PCDH11X: variants seen among roughly 807,000 people sequenced by gnomAD.
PCDH11X encodes the protein protocadherin-11 X-linked.
A neutral mutation model predicts 53.3 loss-of-function variants in PCDH11X; 18 were observed. That is an observed-to-expected ratio of 0.34 (90% confidence interval 0.23 to 0.50). PCDH11X has a LOEUF of 0.50. Ranked by LOEUF, PCDH11X falls within the 20% of genes least tolerant of loss-of-function variation. The pLI, the probability that PCDH11X is intolerant of heterozygous loss-of-function variation, is 0.98. For synonymous variants in PCDH11X, 279 were observed against 393.3 expected (o/e 0.71, Z 3.44); for missense variants, 570 against 1,032.4 (o/e 0.55, Z 6.14).
intron 8 of PCDH11X, among the ~76,000 whole-genome samples, chrX:92,273,947 C>G (rs187028423): frequency 0.015 from 1,600 of 109,314 alleles, 26 homozygotes; most frequent in African/African-American, 0.051. Flanking sequence ...GGGGATAGCA[C>G]CAGGAGATAT....
At chrX:92,007,298 A>G (rs2062615432) in intron 6 of PCDH11X, among the ~76,000 whole-genome samples, 1 of 111,258 alleles carries the variant, frequency 9.0e-6, no homozygotes, top group Admixed American at 9.5e-5. Flanking sequence ...TAATGTATTC[A>G]TCTGAGCTGA....
intron 5 of PCDH11X, among the ~76,000 whole-genome samples, chrX:91,856,682 A>G (rs912439311): frequency 4.5e-5 from 5 of 109,979 alleles, no homozygotes; most frequent in Admixed American, 9.7e-5. Context: ...GATCCCACTT[A>G]TAAGTTAGAA....
intron 4 of PCDH11X, among the ~76,000 whole-genome samples, chrX:91,821,515 A>T (rs1390839831): frequency 2.7e-5 from 3 of 110,689 alleles, no homozygotes; most frequent in Non-Finnish European, 5.7e-5. Context: ...ATTTTTGTAC[A>T]TTGATTTTGT....
intron 10 of PCDH11X, among the ~76,000 whole-genome samples, chrX:92,509,834 A>T (rs2148705597): frequency 8.9e-6 from 1 of 111,800 alleles, no homozygotes; most frequent in African/African-American, 3.2e-5. Context: ...GCAACTTATA[A>T]AATTATCGGT....
intron 6 of PCDH11X, among the ~76,000 whole-genome samples, chrX:91,900,645 A>G (rs1253857314): frequency 1.8e-5 from 2 of 110,373 alleles, no homozygotes; most frequent in Non-Finnish European, 3.8e-5. Context: ...GCTCCCTCAT[A>G]AAACACTGAA....
At chrX:92,571,023 C>T (rs2750556) in intron 10 of PCDH11X, among the ~76,000 whole-genome samples, 74 of 111,759 alleles carry the variant, frequency 6.6e-4, no homozygotes, top group Middle Eastern at 4.7e-3. Context: ...ATATCTTTGA[C>T]GAGTTTTTAT....
At chrX:92,233,004 C>T (rs1033420827) in intron 7 of PCDH11X, among the ~76,000 whole-genome samples, 1 of 111,796 alleles carries the variant, frequency 8.9e-6, no homozygotes, top group African/African-American at 3.3e-5. Context: ...CGTGAGCCAC[C>T]GCGCCCGGCC....
At chrX:92,470,297 A>G (rs1264106395) in intron 10 of PCDH11X, among the ~76,000 whole-genome samples, 1 of 99,206 alleles carries the variant, frequency 1.0e-5, no homozygotes, top group African/African-American at 3.7e-5. Flanking sequence ...TGGATACGAA[A>G]TCAACATACA....
intron 6 of PCDH11X, chrX:92,113,199 C>A (rs2064557778): frequency 8.7e-7 from 1 of 1,154,165 alleles, no homozygotes; most frequent in Non-Finnish European, 1.1e-6. Context: ...CCTCAGCCCC[C>A]CGAGATTGAG....
At chrX:92,002,690 T>G (rs2062530779) in intron 6 of PCDH11X, among the ~76,000 whole-genome samples, 1 of 108,086 alleles carries the variant, frequency 9.3e-6, no homozygotes, top group Non-Finnish European at 1.9e-5. Context: ...TCTTTTTACA[T>G]TGGTCACTGT....
intron 9 of PCDH11X, among the ~76,000 whole-genome samples, chrX:92,396,757 T>C (rs4319251): frequency 0.095 from 8,733 of 91,950 alleles, 979 homozygotes; most frequent in East Asian, 0.57. Context: ...GTGGGAGAAT[T>C]GCTTGAACCT....
chrX:92,584,182 G>A (rs1354996882), intron 10 of PCDH11X, among the ~76,000 whole-genome samples: 1 of 109,902 alleles, frequency 9.1e-6, no homozygotes, highest in African/African-American at 3.3e-5. Context: ...GTGATGAGGG[G>A]AAATCTAAAA....
rs1205200623 is a variant in PCDH11X, at chrX:92,622,608, A to AAACTATTTTG, written c.*3671_*3680dup. The AAACTATTTTG allele has an allele frequency of 4.1e-4, 45 of 111,018 alleles. No homozygotes were observed. Among genetic ancestry groups the AAACTATTTTG allele is most frequent in the African/African-American group, 1.4e-3 (44 of 30,654 alleles). The allele number at this position is 111,018 out of a possible 1,213,427, so 9.1% of individuals were successfully genotyped here. On this transcript the variant is annotated 3_prime_UTR_variant, in exon 11 of 11. Transcript: ENST00000682573. The stretch of plus-strand genomic sequence containing the variant: ...GTAAACTTTTTATTATGACCATTAG[A>AAACTATTTTG]AACTATTTTGAATGCTTCCAACTGG...
At chrX:92,317,806 T>G (rs773605268) in intron 8 of PCDH11X, among the ~76,000 whole-genome samples, 7 of 111,441 alleles carry the variant, frequency 6.3e-5, no homozygotes, top group Non-Finnish European at 9.4e-5. Flanking sequence ...TTACATAACT[T>G]CTCTAAAACT....
At chrX:92,370,464 T>C (rs1569475721) in intron 8 of PCDH11X, among the ~76,000 whole-genome samples, 3 of 104,368 alleles carry the variant, frequency 2.9e-5, no homozygotes, top group Non-Finnish European at 3.9e-5. Context: ...TTTTTTCTTT[T>C]TTTTTTTTTT....
rs752982002 is a variant in PCDH11X at position 91,825,269 on chromosome X, C to T, written c.-44-10192C>T. Among the ~76,000 whole-genome samples, 3 of 110,491 alleles carry T rather than the reference C, an allele frequency of 2.7e-5. No homozygotes were observed. In the South Asian group the frequency reaches 1.1e-3, roughly 42 times the overall value. On this transcript the variant is annotated intron_variant, in intron 4 of 10. Coordinates refer to ENST00000682573, the MANE Select transcript of PCDH11X (RefSeq NM_032968.5). Reference sequence around the variant, plus strand: ...CTGGGCAATGGCGGGTGCCCCTCCCCCAGCCTCGCTGCCACCTTGCAGTTT... The same window carrying T: ...CTGGGCAATGGCGGGTGCCCCTCCCTCAGCCTCGCTGCCACCTTGCAGTTT...
At chrX:91,785,259 G>A (rs1394541282) in intron 1 of PCDH11X, among the ~76,000 whole-genome samples, 1 of 100,517 alleles carries the variant, frequency 9.9e-6, no homozygotes, top group Non-Finnish European at 2.0e-5. Context: ...TTGGTATAGC[G>A]GCTCAAGTTT....
At chrX:92,268,870 G>A (rs765066790) in intron 8 of PCDH11X, among the ~76,000 whole-genome samples, 74 of 111,986 alleles carry the variant, frequency 6.6e-4, no homozygotes, top group Non-Finnish European at 1.2e-3. Context: ...GGCCAACCTC[G>A]TCTCTACTAA....
chrX:92,357,230 G>A (rs2148534817), intron 8 of PCDH11X, among the ~76,000 whole-genome samples: 1 of 111,133 alleles, frequency 9.0e-6, no homozygotes, highest in African/African-American at 3.3e-5. Flanking sequence ...TTATAATAAA[G>A]CAGATGAATG....
Sources: gnomAD v4.1 joint callset for allele counts (sites outside exome capture counted in the v4.1 genomes callset) on GRCh38, gnomAD v4.1.1 for gene constraint, MANE v1.5 for transcripts, NCBI Gene and HGNC (gene_info 2026-07-23, HGNC 2026-07-21) for gene names.